Variants in FBXO16 observed in about 807,000 individuals in gnomAD.
FBXO16 encodes the protein F-box protein 16, also known as F-box only protein 16.
Under a neutral mutation model 41.0 loss-of-function variants are expected in FBXO16, and 31 were observed. That is an observed-to-expected ratio of 0.76 (90% CI 0.57 to 1.02). The LOEUF (loss-of-function observed/expected upper bound fraction) is 1.02, where lower values mean the gene tolerates loss of function less well. Among genes scored for constraint, FBXO16 ranks in the 50% least tolerant of loss-of-function variants. The pLI is 0.00. For missense variants in FBXO16, 361 were observed against 346.2 expected (o/e 1.04, Z -0.34); for synonymous variants, 133 against 117.8 (o/e 1.13, Z -0.84).
At chr8:28,436,381 G>A (rs958375122) in intron 7 of FBXO16, among the ~76,000 whole-genome samples, 3 of 152,174 alleles carry the variant, frequency 2.0e-5, no homozygotes, top group Admixed American at 2.0e-4. Context: ...TTATGCTTCT[G>A]GCGGAAACAG....
Position 28,438,254 on chromosome 8 carries a change from TG to T in FBXO16, c.844-8852del, listed in dbSNP as rs1802714028. Among the ~76,000 whole-genome samples the T allele has an allele frequency of 3.3e-5, 5 of 152,118 alleles. No individual in the cohort carries two copies. In the South Asian group the frequency reaches 1.0e-3, roughly 32 times the overall value. On this transcript the variant is annotated intron_variant, in intron 7 of 8. Coordinates refer to ENST00000380254, the MANE Select transcript of FBXO16 (RefSeq NM_172366.4). ...TTACTTGAACCTGAGAGGCAGAGGC[TG>T]CAGTGACCCAAGATTGCATCACTGC...
chr8:28,489,713 C>T (rs1339524001), intron 1 of FBXO16, among the ~76,000 whole-genome samples: 3 of 96,106 alleles, frequency 3.1e-5, no homozygotes, highest in Non-Finnish European at 7.9e-5. Flanking sequence ...AAACAAAAAC[C>T]AACAAAAAAA....
intron 6 of FBXO16, 129 bp from the exon 7 acceptor site, chr8:28,447,402 T>G (rs1563360872): frequency 2.7e-6 from 2 of 746,260 alleles, no homozygotes; most frequent in Non-Finnish European, 4.4e-6. Flanking sequence ...TAACTGGAAA[T>G]AAGCCAAATG....
intron 2 of FBXO16, among the ~76,000 whole-genome samples, chr8:28,480,679 T>C (rs531947199): frequency 6.6e-6 from 1 of 151,942 alleles, no homozygotes; most frequent in African/African-American, 2.4e-5. Context: ...AATTTTTATA[T>C]TTTTTAGTAG....
intron 6 of FBXO16, among the ~76,000 whole-genome samples, chr8:28,448,355 A>C (rs572316543): frequency 2.0e-5 from 3 of 151,590 alleles, no homozygotes; most frequent in South Asian, 4.1e-4. Flanking sequence ...AAAAAAAAAA[A>C]AAAAAGAAAG....
intron 4 of FBXO16, 89 bp from the exon 5 acceptor site, chr8:28,457,019 C>T: frequency 7.0e-7 from 1 of 1,432,130 alleles, no homozygotes; most frequent in African/African-American, 1.4e-5. Context: ...AGCTGTCATC[C>T]TGGACCTGAG....
At chr8:28,447,412 G>T in intron 6 of FBXO16, 139 bp from the exon 7 acceptor site, 1 of 680,138 alleles carries the variant, frequency 1.5e-6, no homozygotes, top group Non-Finnish European at 2.5e-6. Context: ...TAAGCCAAAT[G>T]TCTATCAATA....
chr8:28,441,297 C>T (rs1802769351), intron 7 of FBXO16, among the ~76,000 whole-genome samples: 1 of 152,186 alleles, frequency 6.6e-6, no homozygotes, highest in Non-Finnish European at 1.5e-5. Flanking sequence ...TCTAGACCAG[C>T]AGGTTTTCCC....
At chr8:28,455,919 C>T (rs549737091) in intron 5 of FBXO16, 148 of 152,256 alleles carry the variant, frequency 9.7e-4, no homozygotes, top group African/African-American at 3.4e-3. Context: ...TAGGAGTCGA[C>T]TGTTCATATT....
At chr8:28,433,590 G>A (rs563088515) in intron 7 of FBXO16, among the ~76,000 whole-genome samples, 1 of 152,290 alleles carries the variant, frequency 6.6e-6, no homozygotes, top group Admixed American at 6.5e-5. Flanking sequence ...CTCCCCTGTA[G>A]CCTGGAAGCT....
intron 7 of FBXO16, among the ~76,000 whole-genome samples, chr8:28,441,906 ATATATGTG>A (rs1410905861): frequency 1.2e-4 from 17 of 139,462 alleles, no homozygotes; most frequent in African/African-American, 3.1e-4. Flanking sequence ...CAGTGTATAT[ATATATGTG>A]TGTGTGTGTG....
rs188249772 is a variant in FBXO16, at chr8:28,457,204, A to G, written c.343-274T>C. 1.4e-4 allele frequency among the ~76,000 whole-genome samples: 21 copies of G among 152,322 alleles called. No individual in the cohort carries two copies. The East Asian group carries it at 3.5e-3, about 25-fold the overall frequency. On this transcript the variant is annotated intron_variant, in intron 4 of 8. Coordinates refer to ENST00000380254, the MANE Select transcript of FBXO16 (RefSeq NM_172366.4). ...GCACCTATTAATTATCTTCATAGCA[A>G]CCTAGGGAGGTAAGTACAATTATTA...
chr8:28,462,599 T>TA (rs1803154934), intron 4 of FBXO16, among the ~76,000 whole-genome samples: 1 of 152,206 alleles, frequency 6.6e-6, no homozygotes, highest in Non-Finnish European at 1.5e-5. Context: ...TTCTTAATTT[T>TA]AAAAACTAAA....
Position 28,428,660 on chromosome 8 carries a change from G to T in FBXO16, c.*67C>A, listed in dbSNP as rs1430572177. 6.4e-7 allele frequency: 1 copy of T among 1,564,530 alleles called. No homozygotes were observed. The highest frequency in any genetic ancestry group is 8.7e-7 in the Non-Finnish European group (1 of 1,154,716). ...AATTTCAGCTGTGGTGGCAGTGTCT[G>T]GGAGTCCCACTGACTCAGGGGGAGG... On this transcript the variant is annotated 3_prime_UTR_variant, in exon 9 of 9. Coordinates refer to ENST00000380254, the MANE Select transcript of FBXO16 (RefSeq NM_172366.4).
chr8:28,480,803 C>T (rs1356483022), intron 2 of FBXO16, among the ~76,000 whole-genome samples: 1 of 152,198 alleles, frequency 6.6e-6, no homozygotes, highest in Admixed American at 6.5e-5. Flanking sequence ...CTGTGCCTAG[C>T]CCTGACTCCA....
intron 2 of FBXO16, among the ~76,000 whole-genome samples, chr8:28,474,018 T>G (rs995382197): frequency 1.3e-5 from 2 of 151,702 alleles, no homozygotes; most frequent in Admixed American, 1.3e-4. Context: ...TGTGGAATAA[T>G]TCATATGAAA....
chr8:28,459,087 CTAA>C (rs1803083139), intron 4 of FBXO16, among the ~76,000 whole-genome samples: 1 of 152,164 alleles, frequency 6.6e-6, no homozygotes, highest in African/African-American at 2.4e-5. Context: ...ACATTTCCCT[CTAA>C]TAATAATATT....
chr8:28,434,652 C>T (rs767755840), intron 7 of FBXO16, among the ~76,000 whole-genome samples: 5 of 152,214 alleles, frequency 3.3e-5, no homozygotes, highest in African/African-American at 4.8e-5. Context: ...TCCCTCTCAA[C>T]GTTTTATTAT....
chr8:28,483,418 G>T lies in FBXO16; in HGVS notation c.29C>A (p.Thr10Lys). The change falls in exon 2 of 9, where the codon ACA becomes AAA. Residue 10 changes from threonine (T) to lysine (K), a missense_variant. Coordinates refer to ENST00000380254, the MANE Select transcript of FBXO16 (RefSeq NM_172366.4). MMAFAPPKNTDGPKMQTKMS... is the reference protein window; with the variant it reads MMAFAPPKNKDGPKMQTKMS... Reference sequence around the variant, plus strand: ...CTTTGTCTGCATTTTGGGACCATCTGTGTTTTTTGGAGGTGCAAATGCCAT... The same window carrying T: ...CTTTGTCTGCATTTTGGGACCATCTTTGTTTTTTGGAGGTGCAAATGCCAT... The T allele has an allele frequency of 6.2e-7, 1 of 1,614,090 alleles. No homozygotes were observed. The highest frequency in any genetic ancestry group is 8.5e-7 in the Non-Finnish European group (1 of 1,180,002).
Sources: allele counts gnomAD v4.1 joint callset (sites outside exome capture counted in the v4.1 genomes callset), GRCh38; gene constraint gnomAD v4.1.1; transcripts MANE v1.5; gene names NCBI Gene and HGNC (gene_info 2026-07-23, HGNC 2026-07-21).